MARCHF1: variants seen among roughly 807,000 people sequenced by gnomAD.
MARCHF1 encodes the protein membrane associated ring-CH-type finger 1, also known as E3 ubiquitin-protein ligase MARCHF1.
In MARCHF1, 40 loss-of-function variants were observed where a neutral mutation model predicts 54.2. That is an observed-to-expected ratio of 0.74 (90% CI 0.57 to 0.96). The LOEUF (loss-of-function observed/expected upper bound fraction) is 0.96. Among genes scored for constraint, MARCHF1 ranks in the 40% least tolerant of loss-of-function variants. The pLI, the probability that MARCHF1 is intolerant of heterozygous loss-of-function variation, is 0.00. For missense variants in MARCHF1, 586 were observed against 656.5 expected (o/e 0.89, Z 1.17); for synonymous variants, 236 against 236.3 (o/e 1.00, Z 0.01).
chr4:163,663,554 A>T (rs550450246), intron 5 of MARCHF1, among the ~76,000 whole-genome samples: 1 of 151,944 alleles, frequency 6.6e-6, no homozygotes, highest in Non-Finnish European at 1.5e-5. Context: ...CTTGTCTCTA[A>T]TTGTCTTATT....
At chr4:163,914,805 C>A (rs1008303923) in intron 3 of MARCHF1, among the ~76,000 whole-genome samples, 2 of 152,074 alleles carry the variant, frequency 1.3e-5, no homozygotes, top group African/African-American at 4.8e-5. Flanking sequence ...TCATATTTTT[C>A]CCTGTAGGTT....
chr4:163,620,606 CAGAGAGAGAG>C (rs138054709), intron 5 of MARCHF1, among the ~76,000 whole-genome samples: 1,193 of 56,878 alleles, frequency 0.021, 12 homozygotes, highest in African/African-American at 0.046. Flanking sequence ...CACACACACA[CAGAGAGAGAG>C]AGAGAGAGAG....
At chr4:164,291,381 G>T (rs72989566) in intron 1 of MARCHF1, among the ~76,000 whole-genome samples, 1 of 151,850 alleles carries the variant, frequency 6.6e-6, no homozygotes, top group African/African-American at 2.4e-5. Flanking sequence ...CTAACAGTTT[G>T]CAGAATGGCT....
In MARCHF1 at chr4:164,061,854, T is replaced by TTAA. The variant is rs1754624226; in HGVS notation, c.-248+49731_-248+49733dup. 2.0e-5 allele frequency among the ~76,000 whole-genome samples: 3 copies of TTAA among 152,310 alleles called. No individual in the cohort carries two copies. The South Asian group carries it at 6.2e-4, about 32-fold the overall frequency. ...GCTGGTGGACAATCTATCCCTGATG[T>TTAA]TAATGGATGCTGACCGTTCAGGCTA... On this transcript the variant is annotated intron_variant, in intron 2 of 9. Transcript: ENST00000514618.
chr4:163,697,068 G>A (rs1744657506), intron 5 of MARCHF1, among the ~76,000 whole-genome samples: 1 of 152,088 alleles, frequency 6.6e-6, no homozygotes, highest in Non-Finnish European at 1.5e-5. Context: ...AGGAAACCAG[G>A]AGCAAGCTTC....
intron 7 of MARCHF1, among the ~76,000 whole-genome samples, chr4:163,597,088 T>G (rs1740800286): frequency 6.6e-6 from 1 of 152,140 alleles, no homozygotes; most frequent in Non-Finnish European, 1.5e-5. Flanking sequence ...CCAGAGTAGC[T>G]GGGATTACAG....
chr4:164,046,796 G>A (rs1754252604), intron 2 of MARCHF1, among the ~76,000 whole-genome samples: 1 of 152,186 alleles, frequency 6.6e-6, no homozygotes, highest in Middle Eastern at 3.2e-3. Flanking sequence ...AGGACAAGGT[G>A]AAGGAAAGCA....
intron 1 of MARCHF1, among the ~76,000 whole-genome samples, chr4:164,236,471 G>A (rs1293855783): frequency 6.6e-6 from 1 of 151,998 alleles, no homozygotes; most frequent in East Asian, 1.9e-4. Flanking sequence ...CTACGATGGG[G>A]CCATTTTAAA....
chr4:163,978,465 A>T (rs1234560982), intron 3 of MARCHF1, among the ~76,000 whole-genome samples: 3 of 152,134 alleles, frequency 2.0e-5, no homozygotes, highest in African/African-American at 7.2e-5. Flanking sequence ...TGGAGATATT[A>T]ACTCATTTGA....
At chr4:164,070,544 T>C (rs1365696720) in intron 2 of MARCHF1, among the ~76,000 whole-genome samples, 1 of 152,120 alleles carries the variant, frequency 6.6e-6, no homozygotes, top group East Asian at 1.9e-4. Flanking sequence ...TGGGATGGTC[T>C]ACATTCACAC....
intron 2 of MARCHF1, among the ~76,000 whole-genome samples, chr4:164,063,137 G>A (rs1480798638): frequency 2.6e-5 from 4 of 152,104 alleles, no homozygotes; most frequent in East Asian, 3.9e-4. Flanking sequence ...TATACTTTGC[G>A]TAATTCTTAA....
intron 1 of MARCHF1, among the ~76,000 whole-genome samples, chr4:164,254,127 A>T (rs1188629327): frequency 6.6e-6 from 1 of 151,852 alleles, no homozygotes; most frequent in Non-Finnish European, 1.5e-5. Flanking sequence ...TTTTTGAGAG[A>T]GTCTCATTCT....
At chr4:164,104,187 C>G (rs1165418672) in intron 2 of MARCHF1, among the ~76,000 whole-genome samples, 1 of 145,068 alleles carries the variant, frequency 6.9e-6, no homozygotes, top group Non-Finnish European at 1.5e-5. Context: ...ACCAGAGGTA[C>G]AAGGAGGAAC....
rs1741893027 is a variant in MARCHF1, at chr4:163,626,938, C to T, written c.163-13545G>A. Reference sequence around the variant, plus strand: ...TGACTCCATCCCAAACAAACCCAAACCAAACCAAACCTAGTTCTAGGGAAC... The same window carrying T: ...TGACTCCATCCCAAACAAACCCAAATCAAACCAAACCTAGTTCTAGGGAAC... On this transcript the variant is annotated intron_variant, in intron 5 of 9. Coordinates refer to ENST00000514618, the MANE Select transcript of MARCHF1 (RefSeq NM_001394959.1). Among the ~76,000 whole-genome samples the T allele has an allele frequency of 2.6e-5, 4 of 152,090 alleles. No individual in the cohort carries two copies. The South Asian group carries it at 8.3e-4, about 32-fold the overall frequency.
intron 1 of MARCHF1, among the ~76,000 whole-genome samples, chr4:164,177,286 C>T (rs1730715057): frequency 6.6e-6 from 1 of 151,860 alleles, no homozygotes; most frequent in African/African-American, 2.4e-5. Context: ...AGTAACTTTC[C>T]TATGGCCAAA....
intron 2 of MARCHF1, among the ~76,000 whole-genome samples, chr4:164,046,098 C>A (rs941545953): frequency 1.8e-4 from 28 of 152,262 alleles, no homozygotes; most frequent in Admixed American, 1.8e-3. Context: ...TTTCATAGAA[C>A]GAAGCAATAA....
intron 8 of MARCHF1, among the ~76,000 whole-genome samples, chr4:163,555,486 T>C (rs778328947): frequency 1.3e-5 from 2 of 152,178 alleles, no homozygotes; most frequent in Non-Finnish European, 2.9e-5. Context: ...GAAAGTTTAA[T>C]TAATAGATGC....
intron 1 of MARCHF1, among the ~76,000 whole-genome samples, chr4:164,160,698 G>A (rs1391586730): frequency 6.6e-6 from 1 of 152,168 alleles, no homozygotes; most frequent in Non-Finnish European, 1.5e-5. Context: ...ACCACTGACA[G>A]TGAGTGCTTT....
intron 1 of MARCHF1, among the ~76,000 whole-genome samples, chr4:164,308,437 T>A (rs550797586): frequency 1.3e-5 from 2 of 152,312 alleles, no homozygotes; most frequent in South Asian, 4.1e-4. Flanking sequence ...TCACACTCCC[T>A]GGAGTTATGA....
Sources: allele counts gnomAD v4.1 joint callset (sites outside exome capture counted in the v4.1 genomes callset), GRCh38; gene constraint gnomAD v4.1.1; transcripts MANE v1.5; gene names NCBI Gene and HGNC (gene_info 2026-07-23, HGNC 2026-07-21).